The following CYP4Z1 variants were observed in gnomAD, a reference collection of about 807,000 sequenced individuals.
CYP4Z1 encodes cytochrome P450 family 4 subfamily Z member 1.
CYP4Z1 carries 41 observed loss-of-function variants against 54.2 expected under a neutral mutation model. The ratio of observed to expected loss-of-function variants is 0.76; its 90% confidence interval spans 0.59 to 0.98. The LOEUF (loss-of-function observed/expected upper bound fraction) is 0.98, where lower values mean the gene tolerates loss of function less well. Ranked by LOEUF, CYP4Z1 falls within the 50% of genes least tolerant of loss-of-function variation. CYP4Z1 has a pLI of 0.00. For synonymous variants in CYP4Z1, 163 were observed against 206.2 expected, an observed-to-expected ratio of 0.79 and a Z score of 1.79; for missense variants, 513 against 599.0, an observed-to-expected ratio of 0.86 and a Z score of 1.50.
intron 7 of CYP4Z1, among the ~76,000 whole-genome samples, chr1:47,098,414 G>A (rs1644696031): frequency 6.6e-6 from 1 of 151,944 alleles, no homozygotes; most frequent in Admixed American, 6.6e-5. Flanking sequence ...TTTGGCTCTT[G>A]GATTACCTGT....
chr1:47,102,544 G>C (rs1644728951), intron 8 of CYP4Z1, among the ~76,000 whole-genome samples: 1 of 152,120 alleles, frequency 6.6e-6, no homozygotes, highest in African/African-American at 2.4e-5. Flanking sequence ...AATTCCCTCA[G>C]CTTCTGCTTG....
At chr1:47,079,536 G>A (rs1644548956) in intron 2 of CYP4Z1, among the ~76,000 whole-genome samples, 1 of 152,180 alleles carries the variant, frequency 6.6e-6, no homozygotes, top group African/African-American at 2.4e-5. Context: ...CTTAAATGTA[G>A]ACATACATAC....
At chr1:47,066,325 TA>T (rs1312983471), upstream of CYP4Z1, among the ~76,000 whole-genome samples, 1 of 152,156 alleles carries the variant, frequency 6.6e-6, no homozygotes, top group Non-Finnish European at 1.5e-5. Flanking sequence ...ATCAAAAAGA[TA>T]ATCCACCATA....
chr1:47,079,465 C>A (rs1306243697), intron 2 of CYP4Z1, among the ~76,000 whole-genome samples: 2 of 152,174 alleles, frequency 1.3e-5, no homozygotes, highest in African/African-American at 4.8e-5. Context: ...TGATGTCACT[C>A]TTAGACATTA....
chr1:47,089,229 A>C (rs1644620315), intron 6 of CYP4Z1, among the ~76,000 whole-genome samples: 1 of 151,976 alleles, frequency 6.6e-6, no homozygotes, highest in South Asian at 2.1e-4. Context: ...AATTACATTA[A>C]ATACTTCCCT....
Position 47,112,740 on chromosome 1 carries a change from GATAAA to G in CYP4Z1, c.1202-2777_1202-2773del, listed in dbSNP as rs941769509. Among the ~76,000 whole-genome samples, 425 of 151,766 alleles carry G rather than the reference GATAAA, an allele frequency of 2.8e-3. 4 individuals carry two copies. Among genetic ancestry groups the G allele is most frequent in the African/African-American group, 9.8e-3 (404 of 41,368 alleles). On this transcript the variant is annotated intron_variant, in intron 9 of 11. Transcript: ENST00000334194. ...ACACAAGACCCCATCTCTACAAAAA[GATAAA>G]ATAAAATAAAACAGTGCATCATGGC...
intron 9 of CYP4Z1, among the ~76,000 whole-genome samples, chr1:47,107,509 A>T (rs145011908): frequency 1.3e-5 from 2 of 152,236 alleles, no homozygotes; most frequent in Non-Finnish European, 2.9e-5. Flanking sequence ...CCTACATAAT[A>T]TTGCATCCAT....
upstream of CYP4Z1, among the ~76,000 whole-genome samples, chr1:47,062,494 G>A (rs1383859174): frequency 6.6e-6 from 1 of 152,188 alleles, no homozygotes; most frequent in African/African-American, 2.4e-5. Context: ...TGCAGCTGGG[G>A]AGGGCACAGT....
At chr1:47,093,787 C>T (rs191065207) in intron 6 of CYP4Z1, among the ~76,000 whole-genome samples, 137 of 152,268 alleles carry the variant, frequency 9.0e-4, no homozygotes, top group Non-Finnish European at 1.5e-3. Context: ...AGCCTAGTTT[C>T]CAGTAGAAAA....
rs1644562888 is a variant in CYP4Z1 at position 47,082,581 on chromosome 1, T to A, written c.492+120T>A. The A allele has an allele frequency of 6.3e-6, 9 of 1,437,682 alleles. No individual in the cohort carries two copies. In the South Asian group the frequency reaches 1.3e-4, roughly 21 times the overall value. The allele number at this position is 1,437,682 out of a possible 1,614,324, so 89.1% of individuals were successfully genotyped here. A position where few individuals can be genotyped will look rare whatever the true frequency, so the allele number is the denominator to read the frequency against. On this transcript the variant is annotated intron_variant, in intron 4 of 11. Coordinates refer to ENST00000334194, the MANE Select transcript of CYP4Z1 (RefSeq NM_178134.3). The stretch of plus-strand genomic sequence containing the variant: ...TCACAGCAGTTTATATGGGGTTATT[T>A]GATGTTTAGACCATGACCATCATCA...
chr1:47,091,699 A>G (rs1644638952), intron 6 of CYP4Z1, among the ~76,000 whole-genome samples: 1 of 149,680 alleles, frequency 6.7e-6, no homozygotes, highest in Non-Finnish European at 1.5e-5. Context: ...GACAGTGATA[A>G]TGCCACATCA....
chr1:47,058,726 C>T, the CYP4Z1 span, among the ~76,000 whole-genome samples: 1 of 152,128 alleles, frequency 6.6e-6, no homozygotes, highest in South Asian at 2.1e-4. Context: ...GCACCAGAAC[C>T]ACATAAGTGG....
At chr1:47,066,149 A>G (rs1644448792), upstream of CYP4Z1, among the ~76,000 whole-genome samples, 1 of 152,174 alleles carries the variant, frequency 6.6e-6, no homozygotes, top group African/African-American at 2.4e-5. Flanking sequence ...TCCACAAGAT[A>G]GAGAAAGAGA....
chr1:47,115,727 A>G (rs901068571), intron 10 of CYP4Z1, 134 bp downstream of exon 10: 2 of 839,158 alleles, frequency 2.4e-6, no homozygotes, highest in African/African-American at 1.7e-5. Flanking sequence ...CAAAAACCCT[A>G]TGCTTTTAAG....
intron 8 of CYP4Z1, among the ~76,000 whole-genome samples, chr1:47,100,950 T>C (rs1644717167): frequency 6.6e-6 from 1 of 152,190 alleles, no homozygotes; most frequent in African/African-American, 2.4e-5. Flanking sequence ...TACTGGTCTG[T>C]TCAGGTTTTC....
At chr1:47,076,701 C>T (rs866960150) in intron 2 of CYP4Z1, among the ~76,000 whole-genome samples, 9 of 150,804 alleles carry the variant, frequency 6.0e-5, no homozygotes, top group African/African-American at 1.5e-4. Flanking sequence ...AAAAATTAGC[C>T]GGGAGCGGTG....
At chr1:47,103,256 T>C (rs6684305) in intron 8 of CYP4Z1, among the ~76,000 whole-genome samples, 9,675 of 151,986 alleles carry the variant, frequency 0.064, 725 homozygotes, top group African/African-American at 0.18. Context: ...CATAGCTCAC[T>C]GCAGCCTCAA....
chr1:47,085,989 C>A (rs1644591445), intron 6 of CYP4Z1, among the ~76,000 whole-genome samples: 1 of 151,916 alleles, frequency 6.6e-6, no homozygotes, highest in Non-Finnish European at 1.5e-5. Flanking sequence ...TGATGGCTTC[C>A]AGCTTCATCC....
At chr1:47,104,923 T>C (rs929112572) in intron 8 of CYP4Z1, among the ~76,000 whole-genome samples, 1 of 151,904 alleles carries the variant, frequency 6.6e-6, no homozygotes, top group Non-Finnish European at 1.5e-5. Context: ...GCTGCTTTTT[T>C]TTTTGAGGCG....
Sources: gnomAD v4.1 joint callset for allele counts (sites outside exome capture counted in the v4.1 genomes callset) on GRCh38, gnomAD v4.1.1 for gene constraint, MANE v1.5 for transcripts, NCBI Gene and HGNC (gene_info 2026-07-23, HGNC 2026-07-21) for gene names.